Variants in MMP26 observed in about 807,000 individuals in gnomAD.
The protein encoded by MMP26 is matrix metalloproteinase-26.
In MMP26, 33 loss-of-function variants were observed where a neutral mutation model predicts 31.0. That is an observed-to-expected ratio of 1.06 (90% confidence interval 0.81 to 1.42). The LOEUF is 1.42. Among genes scored for constraint, MMP26 ranks in the 40% most tolerant of loss-of-function variants. MMP26 has a pLI of 0.00. For missense variants in MMP26, 347 were observed against 316.1 expected, an observed-to-expected ratio of 1.10 and a Z score of -0.74; for synonymous variants, 122 against 114.9, an observed-to-expected ratio of 1.06 and a Z score of -0.40.
intron 2 of MMP26, among the ~76,000 whole-genome samples, chr11:4,917,183 C>A (rs2595976): frequency 0.86 from 131,223 of 152,200 alleles, 56,732 homozygotes; most frequent in East Asian, 0.93. Flanking sequence ...TTTTTTATTT[C>A]GCTAACTAAT....
chr11:4,855,377 T>A (rs1346299543), intron 2 of MMP26, among the ~76,000 whole-genome samples: 2 of 152,152 alleles, frequency 1.3e-5, no homozygotes, highest in Admixed American at 1.3e-4. Flanking sequence ...AGACCTTAAA[T>A]GACCTGAAAT....
In MMP26 at chr11:4,852,347, G is replaced by A. The variant is rs190889577; in HGVS notation, c.-145+85006G>A. On this transcript the variant is annotated intron_variant, in intron 2 of 7. Transcript: ENST00000380390. ...AATCTTTTGAAAAACACCATGAATCGGAAATGACATTTATATAATACTCTC... is the reference window on the plus strand; with the variant it reads ...AATCTTTTGAAAAACACCATGAATCAGAAATGACATTTATATAATACTCTC... Among the ~76,000 whole-genome samples the A allele has an allele frequency of 7.6e-4, 115 of 151,896 alleles. 1 individual carries two copies. Among genetic ancestry groups the A allele is most frequent in the African/African-American group, 2.7e-3 (113 of 41,452 alleles).
At chr11:4,958,747 T>C (rs950663965) in intron 2 of MMP26, among the ~76,000 whole-genome samples, 2 of 152,196 alleles carry the variant, frequency 1.3e-5, no homozygotes, top group Admixed American at 6.5e-5. Flanking sequence ...CTCTTGAGCT[T>C]TTGAATTGTT....
At chr11:4,826,340 G>A (rs1439884464) in intron 2 of MMP26, among the ~76,000 whole-genome samples, 1 of 152,118 alleles carries the variant, frequency 6.6e-6, no homozygotes, top group Middle Eastern at 3.2e-3. Context: ...GATAAGTTGA[G>A]TGACTACCTT....
At chr11:4,831,694 A>C (rs1183547240) in intron 2 of MMP26, among the ~76,000 whole-genome samples, 1 of 152,146 alleles carries the variant, frequency 6.6e-6, no homozygotes, top group Non-Finnish European at 1.5e-5. Flanking sequence ...GTCTCCCTTA[A>C]GTGCTGTGAC....
At chr11:4,920,377 ACTT>A (rs2133580075) in intron 2 of MMP26, among the ~76,000 whole-genome samples, 1 of 152,140 alleles carries the variant, frequency 6.6e-6, no homozygotes, top group Non-Finnish European at 1.5e-5. Flanking sequence ...TCCACAATGC[ACTT>A]CTTCTCCTCT....
chr11:4,943,496 T>C, intron 2 of MMP26: 2 of 456,298 alleles, frequency 4.4e-6, no homozygotes, highest in South Asian at 3.1e-5. Flanking sequence ...GTTTTTTTAA[T>C]GCTTGGCACC....
intron 1 of MMP26, chr11:4,724,140 C>T: frequency 1.7e-6 from 1 of 599,792 alleles, no homozygotes; most frequent in Non-Finnish European, 3.0e-6. Context: ...AGGTGGACAC[C>T]TCGTAGGACT....
intron 2 of MMP26, among the ~76,000 whole-genome samples, chr11:4,935,091 AT>A (rs919905228): frequency 6.6e-6 from 1 of 151,512 alleles, no homozygotes; most frequent in African/African-American, 2.4e-5. Context: ...ACTTTAAAGT[AT>A]TTTTTTCCAA....
At chr11:4,848,185 GA>G in intron 2 of MMP26, 2 of 1,533,880 alleles carry the variant, frequency 1.3e-6, no homozygotes, top group Non-Finnish European at 8.8e-7. Flanking sequence ...AGTTCTCACA[GA>G]AACTTTAGTA....
Position 4,989,734 on chromosome 11 carries a change from T to C in MMP26, c.186T>C (p.His62=), listed in dbSNP as rs375419006. ...AAACACAGCTCCTGCAACAATTCCA[T>C]CGGAATGGGACAGACCTACTTGACA... ...ETQTQLLQQF[H]RNGTDLLDMQ... Residue 62 remains histidine (H), a synonymous_variant, in exon 4 of 8, where the codon CAT becomes CAC. Coordinates refer to ENST00000380390, the MANE Select transcript of MMP26 (RefSeq NM_021801.5). The C allele has an allele frequency of 3.7e-6, 6 of 1,613,846 alleles. No homozygotes were observed. The African/African-American group carries it at 8.0e-5, about 22-fold the overall frequency.
At chr11:4,855,903 G>A (rs1390460943) in intron 2 of MMP26, among the ~76,000 whole-genome samples, 3 of 152,236 alleles carry the variant, frequency 2.0e-5, no homozygotes, top group Admixed American at 2.0e-4. Flanking sequence ...CCAGAAGAGA[G>A]TGGGGGCCAA....
At chr11:4,916,649 C>T (rs10500626) in intron 2 of MMP26, among the ~76,000 whole-genome samples, 14,162 of 152,188 alleles carry the variant, frequency 0.093, 846 homozygotes, top group Middle Eastern at 0.2. Context: ...TTAGCCTTGT[C>T]CAAGTAGCTC....
intron 2 of MMP26, chr11:4,908,578 C>T (rs563189630): frequency 2.1e-6 from 1 of 476,348 alleles, no homozygotes; most frequent in African/African-American, 2.0e-5. Flanking sequence ...TGAGTCAACC[C>T]ATAAAGAATG....
intron 2 of MMP26, among the ~76,000 whole-genome samples, chr11:4,878,315 G>T (rs1445509437): frequency 6.6e-6 from 1 of 152,022 alleles, no homozygotes; most frequent in African/African-American, 2.4e-5. Flanking sequence ...AATCACTCTG[G>T]TATTCAGTGA....
chr11:4,817,966 G>A (rs1849444281), intron 2 of MMP26, among the ~76,000 whole-genome samples: 1 of 152,178 alleles, frequency 6.6e-6, no homozygotes. Flanking sequence ...AGAAGGCAGA[G>A]ACTGTTGAGG....
intron 1 of MMP26, among the ~76,000 whole-genome samples, chr11:4,764,152 T>G (rs1335696723): frequency 6.6e-6 from 1 of 152,260 alleles, no homozygotes; most frequent in Non-Finnish European, 1.5e-5. Context: ...TCCATAATTT[T>G]ATGTAACTGT....
intron 2 of MMP26, among the ~76,000 whole-genome samples, chr11:4,965,429 T>A (rs961342343): frequency 6.6e-5 from 10 of 152,194 alleles, no homozygotes; most frequent in African/African-American, 2.4e-4. Context: ...CTTTTAAATG[T>A]CTGATTTGAG....
chr11:4,802,094 A>G (rs1849191392), intron 2 of MMP26, among the ~76,000 whole-genome samples: 1 of 152,202 alleles, frequency 6.6e-6, no homozygotes, highest in African/African-American at 2.4e-5. Flanking sequence ...TTCATGTTAT[A>G]ATGAAGTTAG....
Sources: allele counts gnomAD v4.1 joint callset (sites outside exome capture counted in the v4.1 genomes callset), GRCh38; gene constraint gnomAD v4.1.1; transcripts MANE v1.5; gene names NCBI Gene and HGNC (gene_info 2026-07-23, HGNC 2026-07-21).